DGLUCY: variants seen among roughly 807,000 people sequenced by gnomAD.
The protein encoded by DGLUCY is D-glutamate cyclase, mitochondrial.
In DGLUCY, 58 loss-of-function variants were observed where a neutral mutation model predicts 58.5. That is an observed-to-expected ratio of 0.99 (90% CI 0.80 to 1.23). The LOEUF (loss-of-function observed/expected upper bound fraction) is 1.23. DGLUCY is among the 50% of genes most tolerant of loss of function. The pLI, the probability that DGLUCY is intolerant of heterozygous loss-of-function variation, is 0.00. For missense variants in DGLUCY, 779 were observed against 784.7 expected, an observed-to-expected ratio of 0.99 and a Z score of 0.09; for synonymous variants, 325 against 314.1, an observed-to-expected ratio of 1.03 and a Z score of -0.37.
At chr14:91,212,055 G>A (rs1409031518) in intron 12 of DGLUCY, among the ~76,000 whole-genome samples, 1 of 152,074 alleles carries the variant, frequency 6.6e-6, no homozygotes, top group East Asian at 1.9e-4. Flanking sequence ...CACCTGCCTC[G>A]GCCTCTGAAA....
chr14:91,194,323 C>T (rs1028069254), intron 9 of DGLUCY, among the ~76,000 whole-genome samples: 1 of 152,126 alleles, frequency 6.6e-6, no homozygotes, highest in Non-Finnish European at 1.5e-5. Context: ...CTAAGTTCAG[C>T]CCCCTTTCCA....
In DGLUCY at chr14:91,173,665, G is replaced by A. The variant is rs898543231; in HGVS notation, c.607+226G>A. 2.1e-5 allele frequency: 11 copies of A among 516,672 alleles called. No homozygotes were observed. The African/African-American group carries it at 2.2e-4, about 10-fold the overall frequency. 32.0% of individuals were successfully genotyped at this position (516,672 alleles called of 1,614,324 possible). A position where few individuals can be genotyped will look rare whatever the true frequency, so the allele number is the denominator to read the frequency against. On this transcript the variant is annotated intron_variant, in intron 6 of 13. Transcript: ENST00000256324. ...ATGGCTTGTCTTTGTTTTTACCAGG[G>A]GTCTCCAGGGGCAAAGGCCCTGAAC...
rs78039251 is a variant in DGLUCY at position 91,061,828 on chromosome 14, C to T, written c.-82+1124C>T. On this transcript the variant is annotated intron_variant, in intron 1 of 4. Transcript: ENST00000521334. ...AAGAGTGCAGATTTTTTTTAGTACA[C>T]AGTGATGAACTGAAAAGAGGAGAGA... Among the ~76,000 whole-genome samples, 488 of 152,172 alleles carry T rather than the reference C, an allele frequency of 3.2e-3. 4 individuals are homozygous for T. The highest frequency in any genetic ancestry group is 0.011 in the African/African-American group (475 of 41,510).
intron 12 of DGLUCY, among the ~76,000 whole-genome samples, chr14:91,208,293 GAATAA>G (rs1171465478): frequency 2.6e-5 from 4 of 152,154 alleles, no homozygotes; most frequent in Non-Finnish European, 5.9e-5. Context: ...GAGTATCAGT[GAATAA>G]AATAAGTGAG....
intron 1 of DGLUCY, among the ~76,000 whole-genome samples, chr14:91,094,309 C>A (rs1187510434): frequency 6.6e-6 from 1 of 151,764 alleles, no homozygotes; most frequent in African/African-American, 2.4e-5. Context: ...GTGGCAGGTG[C>A]CTGTAATCCC....
At chr14:91,104,223 C>A (rs190557865), upstream of DGLUCY, among the ~76,000 whole-genome samples, 2,727 of 151,464 alleles carry the variant, frequency 0.018, 91 homozygotes, top group African/African-American at 0.063. Context: ...CCACCACGCC[C>A]GGCTAATTTT....
At chr14:91,061,115 G>C (rs2043664416) in intron 1 of DGLUCY, among the ~76,000 whole-genome samples, 1 of 152,168 alleles carries the variant, frequency 6.6e-6, no homozygotes, top group Non-Finnish European at 1.5e-5. Flanking sequence ...CAGAGGAGGG[G>C]CCTGGAGGGT....
At chr14:91,132,967 A>G (rs1318929664) in intron 1 of DGLUCY, among the ~76,000 whole-genome samples, 1 of 151,984 alleles carries the variant, frequency 6.6e-6, no homozygotes, top group African/African-American at 2.4e-5. Context: ...CATGTCTCCA[A>G]GGTACACCCA....
chr14:91,132,833 G>A (rs1201789576), intron 1 of DGLUCY, among the ~76,000 whole-genome samples: 1 of 151,784 alleles, frequency 6.6e-6, no homozygotes, highest in East Asian at 1.9e-4. Context: ...CCTTCCCCCA[G>A]CCCCTGGCAA....
upstream of DGLUCY, among the ~76,000 whole-genome samples, chr14:91,104,393 G>A (rs1009606323): frequency 3.9e-5 from 6 of 152,096 alleles, no homozygotes; most frequent in African/African-American, 1.4e-4. Flanking sequence ...AACTGGGGAA[G>A]GGTGTTGCTA....
At chr14:91,174,063 G>A (rs1426907160) in intron 6 of DGLUCY, among the ~76,000 whole-genome samples, 1 of 151,996 alleles carries the variant, frequency 6.6e-6, no homozygotes, top group Non-Finnish European at 1.5e-5. Context: ...GGAAAGAGGG[G>A]CTAAAGGTCA....
At chr14:91,096,125 CA>C (rs543515318) in intron 1 of DGLUCY, among the ~76,000 whole-genome samples, 185 of 152,302 alleles carry the variant, frequency 1.2e-3, no homozygotes, top group African/African-American at 4.0e-3. Flanking sequence ...TTGTATTGCA[CA>C]AGTGGCCAAT....
chr14:91,110,609 TTAG>T (rs2044677672), upstream of DGLUCY, among the ~76,000 whole-genome samples: 1 of 151,892 alleles, frequency 6.6e-6, no homozygotes, highest in Non-Finnish European at 1.5e-5. Flanking sequence ...TTTTGTATTT[TTAG>T]TAGAGACAAG....
At chr14:91,068,083 A>ACG (rs2043855447) in intron 1 of DGLUCY, among the ~76,000 whole-genome samples, 1 of 122,408 alleles carries the variant, frequency 8.2e-6, no homozygotes, top group Non-Finnish European at 1.7e-5. Context: ...GCGCACGCAC[A>ACG]CACACACACA....
At chr14:91,061,453 A>G (rs1226126892) in intron 1 of DGLUCY, among the ~76,000 whole-genome samples, 1 of 152,258 alleles carries the variant, frequency 6.6e-6, no homozygotes, top group Admixed American at 6.5e-5. Flanking sequence ...AACGTGAGAA[A>G]CAATCTGTGT....
chr14:91,090,258 C>T (rs2044289876), intron 1 of DGLUCY, among the ~76,000 whole-genome samples: 1 of 152,172 alleles, frequency 6.6e-6, no homozygotes, highest in Non-Finnish European at 1.5e-5. Context: ...AGTAAACTGG[C>T]TTCCATCCCA....
chr14:91,082,817 G>A (rs1240061211), intron 1 of DGLUCY, among the ~76,000 whole-genome samples: 1 of 152,108 alleles, frequency 6.6e-6, no homozygotes, highest in Non-Finnish European at 1.5e-5. Context: ...ACAGTGGTAT[G>A]ATCACAACTC....
chr14:91,120,368 A>G (rs1446380348), intron 1 of DGLUCY, among the ~76,000 whole-genome samples: 2 of 152,128 alleles, frequency 1.3e-5, no homozygotes, highest in Non-Finnish European at 2.9e-5. Context: ...ACAGTTAGCT[A>G]GTTGCCCATC....
At chr14:91,068,092 C>A (rs990561832) in intron 1 of DGLUCY, among the ~76,000 whole-genome samples, 11 of 151,542 alleles carry the variant, frequency 7.3e-5, no homozygotes, top group Middle Eastern at 6.9e-3. Context: ...CACACACACA[C>A]ACACACACAC....
Sources: gnomAD v4.1 joint callset for allele counts (sites outside exome capture counted in the v4.1 genomes callset) on GRCh38, gnomAD v4.1.1 for gene constraint, MANE v1.5 for transcripts, NCBI Gene and HGNC (gene_info 2026-07-23, HGNC 2026-07-21) for gene names.